SGCZ: variants seen among roughly 807,000 people sequenced by gnomAD.
SGCZ encodes the protein zeta-sarcoglycan.
A neutral mutation model predicts 41.3 loss-of-function variants in SGCZ; 40 were observed. That is an observed-to-expected ratio of 0.97 (90% CI 0.75 to 1.26). SGCZ has a LOEUF of 1.26. SGCZ is among the 50% of genes most tolerant of loss of function. SGCZ has a pLI of 0.00. For missense variants in SGCZ, 552 were observed against 369.8 expected (o/e 1.49, Z -4.04); for synonymous variants, 206 against 137.5 (o/e 1.50, Z -3.49).
intron 1 of SGCZ, among the ~76,000 whole-genome samples, chr8:14,855,356 T>G (rs1351688472): frequency 6.6e-6 from 1 of 152,136 alleles, no homozygotes; most frequent in East Asian, 1.9e-4. Context: ...AGCCGGCATC[T>G]CCATTCTTGA....
intron 2 of SGCZ, among the ~76,000 whole-genome samples, chr8:14,543,775 C>T (rs985191992): frequency 6.6e-6 from 1 of 152,136 alleles, no homozygotes; most frequent in Admixed American, 6.6e-5. Flanking sequence ...AATCTTAGAT[C>T]TATCCAGTAA....
At chr8:14,297,243 T>A (rs1431097781) in intron 3 of SGCZ, among the ~76,000 whole-genome samples, 2 of 152,070 alleles carry the variant, frequency 1.3e-5, no homozygotes, top group Admixed American at 1.3e-4. Flanking sequence ...TTATTTAAAA[T>A]CTTATAATTT....
chr8:14,996,145 T>C (rs1427063836), intron 1 of SGCZ, among the ~76,000 whole-genome samples: 2 of 152,154 alleles, frequency 1.3e-5, no homozygotes, highest in African/African-American at 4.8e-5. Flanking sequence ...CCTCGTGATC[T>C]GCCCACCTCA....
At chr8:14,558,714 T>A (rs1563410292) in intron 1 of SGCZ, among the ~76,000 whole-genome samples, 1 of 151,724 alleles carries the variant, frequency 6.6e-6, no homozygotes. Flanking sequence ...ATATCCCTCA[T>A]AAACATAGAT....
At position 14,337,547 on chromosome 8, in the gene SGCZ, G is replaced by T. The variant is rs1802547089; in HGVS notation, c.235-13343C>A. On this transcript the variant is annotated intron_variant, in intron 2 of 7. Transcript: ENST00000382080. ...AATGACTCCCGGAAGTATGGGAAAAGTGATGACCCAGTTAAGTCAGGTTAA... is the reference window on the plus strand; with the variant it reads ...AATGACTCCCGGAAGTATGGGAAAATTGATGACCCAGTTAAGTCAGGTTAA... 2.0e-5 allele frequency among the ~76,000 whole-genome samples: 3 copies of T among 152,182 alleles called. No homozygotes were observed. In the South Asian group the frequency reaches 6.2e-4, roughly 31 times the overall value.
intron 5 of SGCZ, among the ~76,000 whole-genome samples, chr8:14,160,093 T>G (rs928822547): frequency 6.6e-6 from 1 of 152,172 alleles, no homozygotes; most frequent in Non-Finnish European, 1.5e-5. Flanking sequence ...AGGTTTTTAG[T>G]TTTAATTGCT....
chr8:14,139,902 A>G (rs953420380), intron 5 of SGCZ, among the ~76,000 whole-genome samples: 5 of 152,218 alleles, frequency 3.3e-5, no homozygotes, highest in South Asian at 4.1e-4. Flanking sequence ...TTTTAGATCA[A>G]TATCCCTGAT....
chr8:14,737,957 C>A (rs1023561669), intron 1 of SGCZ, among the ~76,000 whole-genome samples: 3 of 152,026 alleles, frequency 2.0e-5, no homozygotes, highest in Non-Finnish European at 4.4e-5. Flanking sequence ...GATATAGTTT[C>A]ATACATACTT....
chr8:14,383,905 C>T (rs1334563799), intron 2 of SGCZ, among the ~76,000 whole-genome samples: 8 of 147,492 alleles, frequency 5.4e-5, no homozygotes, highest in Non-Finnish European at 4.4e-5. Flanking sequence ...GTAACACGCT[C>T]CAAATTTGTT....
chr8:14,869,543 C>A (rs1370461629), intron 1 of SGCZ, among the ~76,000 whole-genome samples: 1 of 152,196 alleles, frequency 6.6e-6, no homozygotes, highest in Non-Finnish European at 1.5e-5. Context: ...CAAGGACGCC[C>A]TCTCTCACCA....
intron 1 of SGCZ, among the ~76,000 whole-genome samples, chr8:14,556,038 G>A (rs544924240): frequency 2.0e-4 from 30 of 151,928 alleles, no homozygotes; most frequent in Middle Eastern, 3.8e-3. Flanking sequence ...TCAGGTTCTA[G>A]AATTAATTCT....
At chr8:14,846,240 A>G (rs1253023142) in intron 1 of SGCZ, among the ~76,000 whole-genome samples, 2 of 152,202 alleles carry the variant, frequency 1.3e-5, no homozygotes, top group Non-Finnish European at 2.9e-5. Context: ...GGAAAGGAAG[A>G]AAGTTTGCAA....
At chr8:14,466,076 T>A (rs10097226) in intron 2 of SGCZ, among the ~76,000 whole-genome samples, 34,207 of 151,824 alleles carry the variant, frequency 0.23, 4,339 homozygotes, top group Non-Finnish European at 0.29. Context: ...TCATACGGCT[T>A]TAAGTTACTG....
chr8:15,195,039 C>T (rs1384323053), intron 1 of SGCZ, among the ~76,000 whole-genome samples: 3 of 152,094 alleles, frequency 2.0e-5, no homozygotes, highest in Non-Finnish European at 2.9e-5. Context: ...GCATCTATTG[C>T]CATCCAAAAA....
Position 14,140,856 on chromosome 8 carries a change from A to G in SGCZ, c.547+23724T>C, listed in dbSNP as rs193291868. ...CATATGGAACCAAAAAAGAGCCCGCATAGCCAAGACAATCCTAAGCAAAAA... is the reference window on the plus strand; with the variant it reads ...CATATGGAACCAAAAAAGAGCCCGCGTAGCCAAGACAATCCTAAGCAAAAA... On this transcript the variant is annotated intron_variant, in intron 5 of 7. Coordinates refer to ENST00000382080, the MANE Select transcript of SGCZ (RefSeq NM_139167.4). Among the ~76,000 whole-genome samples, 111 of 152,332 alleles carry G rather than the reference A, an allele frequency of 7.3e-4. 1 individual carries two copies. Among genetic ancestry groups the G allele is most frequent in the South Asian group, 4.6e-3 (22 of 4,828 alleles).
At chr8:15,232,635 GTATATATGTGTGTGTATATATATACA>G (rs1286310529) in intron 1 of SGCZ, among the ~76,000 whole-genome samples, 2 of 143,408 alleles carry the variant, frequency 1.4e-5, no homozygotes, top group Non-Finnish European at 3.0e-5. Flanking sequence ...ATATATATGG[GTATATATGTGTGTGTATATATATACA>G]TATATATGTG....
intron 1 of SGCZ, among the ~76,000 whole-genome samples, chr8:14,894,831 AC>A (rs1396012180): frequency 6.6e-6 from 1 of 152,166 alleles, no homozygotes; most frequent in East Asian, 1.9e-4. Context: ...TCAATCCCAA[AC>A]ACAAGCAAGT....
At chr8:14,769,530 G>A (rs1800159635) in intron 1 of SGCZ, among the ~76,000 whole-genome samples, 1 of 152,098 alleles carries the variant, frequency 6.6e-6, no homozygotes, top group Non-Finnish European at 1.5e-5. Context: ...GATGGCTCAC[G>A]CCTGTAATCC....
At chr8:14,908,643 A>C (rs1321857012) in intron 1 of SGCZ, among the ~76,000 whole-genome samples, 1 of 149,338 alleles carries the variant, frequency 6.7e-6, no homozygotes, top group African/African-American at 2.5e-5. Flanking sequence ...CCAGCTACTC[A>C]GGAGGCTGAG....
Sources: gnomAD v4.1 joint callset for allele counts (sites outside exome capture counted in the v4.1 genomes callset) on GRCh38, gnomAD v4.1.1 for gene constraint, MANE v1.5 for transcripts, NCBI Gene and HGNC (gene_info 2026-07-23, HGNC 2026-07-21) for gene names.